CELF2: variants seen among roughly 807,000 people sequenced by gnomAD.
CELF2 encodes CUGBP Elav-like family member 2, also known as CUG triplet repeat RNA-binding protein 2.
CELF2 carries 8 observed loss-of-function variants against 62.6 expected under a neutral mutation model. The observed-to-expected ratio is 0.13, with a 90% confidence interval of 0.07 to 0.23. The LOEUF (loss-of-function observed/expected upper bound fraction) is 0.23. Among genes scored for constraint, CELF2 ranks in the 10% least tolerant of loss-of-function variants. The pLI, the probability that CELF2 is intolerant of heterozygous loss-of-function variation, is 1.00. For synonymous variants in CELF2, 258 were observed against 250.0 expected (o/e 1.03, Z -0.30); for missense variants, 333 against 671.0 (o/e 0.50, Z 5.56).
chr10:10,674,412 T>C, the CELF2 span, among the ~76,000 whole-genome samples: 1 of 152,236 alleles, frequency 6.6e-6, no homozygotes, highest in African/African-American at 2.4e-5. Flanking sequence ...TATATCTTCA[T>C]GTTTAAAGTG....
At chr10:10,814,214 TAAAAAA>T (rs759524110) in intron 1 of CELF2, among the ~76,000 whole-genome samples, 4 of 44,434 alleles carry the variant, frequency 9.0e-5, no homozygotes, top group South Asian at 1.6e-3. Flanking sequence ...AGAAGAGTCC[TAAAAAA>T]AAAAAAAAAA....
At chr10:11,254,908 CCCATCTCTCCCCTTCCTATT>C (rs1028453143) in intron 4 of CELF2, among the ~76,000 whole-genome samples, 1 of 139,246 alleles carries the variant, frequency 7.2e-6, no homozygotes, top group African/African-American at 2.6e-5. Flanking sequence ...CCCTTCCTGT[CCCATCTCTCCCCTTCCTATT>C]CCTTTTCTCC....
intron 1 of CELF2, among the ~76,000 whole-genome samples, chr10:11,114,544 A>T (rs1306336187): frequency 6.6e-6 from 1 of 152,238 alleles, no homozygotes; most frequent in African/African-American, 2.4e-5. Flanking sequence ...TAAATCAAAA[A>T]AGGACTTGAA....
At chr10:11,277,769 T>C (rs1003505263) in intron 8 of CELF2, among the ~76,000 whole-genome samples, 3 of 152,206 alleles carry the variant, frequency 2.0e-5, no homozygotes, top group Admixed American at 6.5e-5. Flanking sequence ...GGTAGTGGGA[T>C]TGAAGAAACC....
chr10:11,074,983 T>C (rs1331482468), intron 1 of CELF2: 1 of 152,256 alleles, frequency 6.6e-6, no homozygotes, highest in Non-Finnish European at 1.5e-5. Flanking sequence ...TAGAACTGGT[T>C]TGCATGTAGG....
At chr10:11,256,573 C>CT (rs374817123) in intron 4 of CELF2, among the ~76,000 whole-genome samples, 5,338 of 100,900 alleles carry the variant, frequency 0.053, 183 homozygotes, top group African/African-American at 0.11. Context: ...TGGCTAGCTT[C>CT]TTTTTTTTTT....
chr10:10,835,177 G>T (rs1305763505), intron 1 of CELF2, among the ~76,000 whole-genome samples: 1 of 152,038 alleles, frequency 6.6e-6, no homozygotes, highest in Non-Finnish European at 1.5e-5. Flanking sequence ...TTAGAGACAA[G>T]GGTCTCCCTC....
Position 11,227,188 on chromosome 10 carries a change from C to G in CELF2, c.354+9681C>G, listed in dbSNP as rs553330046. Among the ~76,000 whole-genome samples, 1 of 152,244 alleles carries G rather than the reference C, an allele frequency of 6.6e-6. No homozygotes were observed. The highest frequency in any genetic ancestry group is 1.5e-5 in the Non-Finnish European group (1 of 68,050). ...CCTGCCATCATCACACCCTCCTGCC[C>G]TGAAAACTCCTGGAGGCCTTTAGAA... On this transcript the variant is annotated intron_variant, in intron 3 of 12. Transcript: ENST00000633077. This position sits in a 1 kb window ranked among gnomAD's most constrained non-coding sequence, Gnocchi z 4.8.
chr10:11,025,362 G>T (rs1287305011), intron 1 of CELF2, among the ~76,000 whole-genome samples: 1 of 152,040 alleles, frequency 6.6e-6, no homozygotes, highest in Non-Finnish European at 1.5e-5. Context: ...AAGGGAGAGA[G>T]CAGGTGGAGG....
In CELF2 at chr10:11,180,979, C is replaced by T. The variant is rs957876220; in HGVS notation, c.271+15297C>T. Among the ~76,000 whole-genome samples, 7 of 152,204 alleles carry T rather than the reference C, an allele frequency of 4.6e-5. No individual in the cohort carries two copies. In the South Asian group the frequency reaches 8.3e-4, roughly 18 times the overall value. Reference sequence around the variant, plus strand: ...CTGCCTCCCAGGTTCAAGCGATTCTCCTGCCTCAGCTTCCCTAATAACTGG... The same window carrying T: ...CTGCCTCCCAGGTTCAAGCGATTCTTCTGCCTCAGCTTCCCTAATAACTGG... On this transcript the variant is annotated intron_variant, in intron 2 of 12. Transcript: ENST00000633077.
In CELF2 at chr10:11,207,994, G is replaced by T. The variant is rs73579309; in HGVS notation, c.272-9431G>T. 0.026 allele frequency among the ~76,000 whole-genome samples: 3,930 copies of T among 152,270 alleles called. 164 individuals carry two copies. Among genetic ancestry groups the T allele is most frequent in the African/African-American group, 0.09 (3,724 of 41,528 alleles). The stretch of plus-strand genomic sequence containing the variant: ...GGTGACATGAACAGAGTGTGAAGCA[G>T]ATCTTTCAGAGTGAGGTGGACCCTG... On this transcript the variant is annotated intron_variant, in intron 2 of 12. Coordinates refer to ENST00000633077, the MANE Select transcript of CELF2 (RefSeq NM_001326342.2). This position sits in a 1 kb window ranked among gnomAD's most constrained non-coding sequence, Gnocchi z 4.1.
chr10:10,758,899 T>C, the CELF2 span, among the ~76,000 whole-genome samples: 3 of 152,212 alleles, frequency 2.0e-5, no homozygotes, highest in South Asian at 2.1e-4. Context: ...ATCAATACAA[T>C]GTGTCTTCTA....
the CELF2 span, among the ~76,000 whole-genome samples, chr10:10,662,443 C>A: frequency 6.6e-5 from 10 of 152,264 alleles, 1 homozygote; most frequent in South Asian, 1.5e-3. Context: ...ACCACAGAGA[C>A]AACGCAAGCT....
chr10:11,019,515 T>C (rs2057947310), intron 1 of CELF2, among the ~76,000 whole-genome samples: 1 of 152,146 alleles, frequency 6.6e-6, no homozygotes, highest in South Asian at 2.1e-4. Context: ...TTTTCTAGCA[T>C]GTTAAGTGTT....
At chr10:10,723,925 G>A in the CELF2 span, among the ~76,000 whole-genome samples, 4 of 152,096 alleles carry the variant, frequency 2.6e-5, no homozygotes, top group Admixed American at 6.5e-5. Flanking sequence ...TTAAAAAAAT[G>A]CAACTATGAT....
chr10:10,797,309 C>G (rs139108204), upstream of CELF2, among the ~76,000 whole-genome samples: 371 of 152,136 alleles, frequency 2.4e-3, no homozygotes, highest in African/African-American at 8.5e-3. Flanking sequence ...TCAGTCTTCC[C>G]TCTTCCTTCT....
At chr10:10,735,384 T>A in the CELF2 span, among the ~76,000 whole-genome samples, 41 of 152,344 alleles carry the variant, frequency 2.7e-4, no homozygotes, top group African/African-American at 9.9e-4. Flanking sequence ...CATCAGTATG[T>A]TGCGAAAAAA....
chr10:10,719,920 T>G, the CELF2 span, among the ~76,000 whole-genome samples: 1 of 152,194 alleles, frequency 6.6e-6, no homozygotes, highest in African/African-American at 2.4e-5. Context: ...AAAACAGCCG[T>G]TTTCAGTTCA....
chr10:10,987,159 G>T (rs1193202744), intron 2 of CELF2, among the ~76,000 whole-genome samples: 1 of 152,116 alleles, frequency 6.6e-6, no homozygotes, highest in Admixed American at 6.5e-5. Context: ...AGACAGCAGA[G>T]ACGCTCAATT....
Sources: gnomAD v4.1 joint callset for allele counts (sites outside exome capture counted in the v4.1 genomes callset) on GRCh38, gnomAD v4.1.1 for gene constraint, Gnocchi (gnomAD v3.1) non-coding constraint, MANE v1.5 for transcripts, NCBI Gene and HGNC (gene_info 2026-07-23, HGNC 2026-07-21) for gene names.